ZNF385D: variants seen among roughly 807,000 people sequenced by gnomAD.
The protein encoded by ZNF385D is zinc finger protein 385D.
Under a neutral mutation model 35.8 loss-of-function variants are expected in ZNF385D, and 15 were observed. The observed-to-expected ratio is 0.42, with a 90% CI of 0.28 to 0.64. The LOEUF is 0.64. Among genes scored for constraint, ZNF385D ranks in the 30% least tolerant of loss-of-function variants. The pLI, the probability that ZNF385D is intolerant of heterozygous loss-of-function variation, is 0.23. For missense variants in ZNF385D, 474 were observed against 494.6 expected (o/e 0.96, Z 0.39); for synonymous variants, 212 against 186.8 (o/e 1.13, Z -1.10).
At chr3:21,826,431 T>C (rs1373148551) in intron 3 of ZNF385D, among the ~76,000 whole-genome samples, 1 of 152,118 alleles carries the variant, frequency 6.6e-6, no homozygotes, top group Non-Finnish European at 1.5e-5. Flanking sequence ...TAGGTGACAC[T>C]AGTTGGAAGA....
At chr3:21,930,464 T>A (rs1324871791) in intron 3 of ZNF385D, among the ~76,000 whole-genome samples, 1 of 152,020 alleles carries the variant, frequency 6.6e-6, no homozygotes, top group Non-Finnish European at 1.5e-5. Flanking sequence ...TTTCAAAAAT[T>A]TGGGCTTCAA....
At chr3:21,826,087 G>A (rs1457764154) in intron 3 of ZNF385D, among the ~76,000 whole-genome samples, 1 of 152,152 alleles carries the variant, frequency 6.6e-6, no homozygotes, top group East Asian at 1.9e-4. Flanking sequence ...CTGGTCCCTA[G>A]TGCCAAAAAC....
intron 2 of ZNF385D, among the ~76,000 whole-genome samples, chr3:22,369,712 A>G (rs1696813284): frequency 6.6e-6 from 1 of 152,206 alleles, no homozygotes; most frequent in Non-Finnish European, 1.5e-5. Context: ...TCTGTGACTT[A>G]AAATATATCA....
At chr3:22,068,171 A>G (rs1197844381) in intron 3 of ZNF385D, among the ~76,000 whole-genome samples, 3 of 152,160 alleles carry the variant, frequency 2.0e-5, no homozygotes, top group African/African-American at 2.4e-5. Context: ...GCCTTACTTT[A>G]TCTTCTTTAT....
Position 21,421,243 on chromosome 3 carries a change from G to A in ZNF385D, c.1159C>T (p.His387Tyr), listed in dbSNP as rs1255494104. 6.2e-7 allele frequency: 1 copy of A among 1,614,068 alleles called. No homozygotes were observed. The highest frequency in any genetic ancestry group is 1.1e-5 in the South Asian group (1 of 91,072). Residue 387 changes from histidine (H) to tyrosine (Y), a missense_variant, in exon 8 of 8, where the codon CAC becomes TAC. Coordinates refer to ENST00000281523, the MANE Select transcript of ZNF385D (RefSeq NM_024697.3). ...RPAPGPIRTA[H>Y]TPVLFAPY is the part of the protein sequence containing the mutation. ...TAAGGAGCAAACAGCACAGGAGTGT[G>A]GGCGGTCCGAATGGGTCCAGGAGCT...
At chr3:22,270,439 A>C (rs1414283626) in intron 2 of ZNF385D, among the ~76,000 whole-genome samples, 2 of 151,894 alleles carry the variant, frequency 1.3e-5, no homozygotes, top group African/African-American at 4.8e-5. Context: ...CATTTTCTCA[A>C]TTATTCTTTT....
At chr3:22,364,244 C>CA (rs1319430002) in intron 2 of ZNF385D, among the ~76,000 whole-genome samples, 7 of 151,566 alleles carry the variant, frequency 4.6e-5, no homozygotes, top group East Asian at 1.9e-4. Flanking sequence ...GCAACAATGA[C>CA]AAAAAATAGA....
rs1457159239 is a variant in ZNF385D, at chr3:22,297,613, AGAG to A, written c.106+74834_106+74836del. ...ATATGGGGGAATGAAATAGTTGTCT[AGAG>A]GAGTGGAGCAATGAGTAATCTGACC... On this transcript the variant is annotated intron_variant, in intron 2 of 5. Coordinates refer to the ZNF385D transcript ENST00000494108. Among the ~76,000 whole-genome samples, 10 of 152,216 alleles carry A rather than the reference AGAG, an allele frequency of 6.6e-5. No homozygotes were observed. In the East Asian group the frequency reaches 1.9e-3, roughly 29 times the overall value.
rs1699342244 is a variant in ZNF385D, at chr3:22,238,971, C to G, written c.107-69936G>C. On this transcript the variant is annotated intron_variant, in intron 2 of 5. Coordinates refer to the ZNF385D transcript ENST00000494108. ...CAAACTCGTAGGCTCAAGTCACTCT[C>G]CTGTCTCGGCGGCCTTAAGTGATCC... is the stretch of plus-strand genomic sequence containing the variant. Among the ~76,000 whole-genome samples the G allele has an allele frequency of 6.0e-5, 9 of 150,548 alleles. 1 individual carries two copies. The highest frequency in any genetic ancestry group is 6.0e-4 in the Admixed American group (9 of 15,094).
chr3:22,366,320 C>T lies in ZNF385D; in HGVS notation c.106+6130G>A, dbSNP rs149266581. Among the ~76,000 whole-genome samples, 82 of 152,232 alleles carry T rather than the reference C, an allele frequency of 5.4e-4. No individual in the cohort carries two copies. In the East Asian group the frequency reaches 0.013, roughly 25 times the overall value. On this transcript the variant is annotated intron_variant, in intron 2 of 5. Coordinates refer to the ZNF385D transcript ENST00000494108. The stretch of plus-strand genomic sequence containing the variant: ...TATTATTTATACACTGGTCTTTACA[C>T]TCCATGAGGACAGGGTCTCACTTTT...
intron 3 of ZNF385D, among the ~76,000 whole-genome samples, chr3:21,855,909 G>A (rs903791931): frequency 1.3e-5 from 2 of 151,750 alleles, no homozygotes; most frequent in Non-Finnish European, 1.5e-5. Context: ...TTTTAGAGGT[G>A]GTAGCTAATA....
intron 3 of ZNF385D, among the ~76,000 whole-genome samples, chr3:21,970,343 T>C (rs924327393): frequency 1.3e-5 from 2 of 152,062 alleles, no homozygotes; most frequent in Non-Finnish European, 2.9e-5. Context: ...CAGAATCCTA[T>C]TAGATAAACT....
intron 3 of ZNF385D, among the ~76,000 whole-genome samples, chr3:21,945,935 C>A (rs902591933): frequency 1.3e-5 from 2 of 152,084 alleles, no homozygotes; most frequent in African/African-American, 2.4e-5. Flanking sequence ...AATTTCAGAG[C>A]TCTCTAAAAA....
intron 3 of ZNF385D, among the ~76,000 whole-genome samples, chr3:22,007,497 A>G (rs1328287755): frequency 1.3e-5 from 2 of 152,238 alleles, no homozygotes; most frequent in South Asian, 2.1e-4. Context: ...TCCTCAGGGC[A>G]TGTGGCTATA....
chr3:21,462,920 T>G (rs553384864), intron 4 of ZNF385D, among the ~76,000 whole-genome samples: 1 of 152,176 alleles, frequency 6.6e-6, no homozygotes, highest in Non-Finnish European at 1.5e-5. Flanking sequence ...AGACAGAGGT[T>G]GTGGTGAGCT....
rs1374611460 is a variant in ZNF385D at position 22,291,696 on chromosome 3, G to T, written c.106+80754C>A. Among the ~76,000 whole-genome samples the T allele has an allele frequency of 2.6e-5, 4 of 151,912 alleles. No individual in the cohort carries two copies. The East Asian group carries it at 7.7e-4, about 29-fold the overall frequency. On this transcript the variant is annotated intron_variant, in intron 2 of 5. Transcript: ENST00000494108. Reference sequence around the variant, plus strand: ...TAAATATTGTGGGGTTTATGATCTTGTGTATATTTGTTCTTTTCTTCACTT... The same window carrying T: ...TAAATATTGTGGGGTTTATGATCTTTTGTATATTTGTTCTTTTCTTCACTT...
At chr3:22,300,753 T>G (rs1054182748) in intron 2 of ZNF385D, among the ~76,000 whole-genome samples, 2 of 151,870 alleles carry the variant, frequency 1.3e-5, no homozygotes, top group African/African-American at 4.8e-5. Flanking sequence ...ACTTCACACA[T>G]GTTAGAATAG....
At chr3:21,991,845 T>C (rs1695170742) in intron 3 of ZNF385D, among the ~76,000 whole-genome samples, 1 of 152,202 alleles carries the variant, frequency 6.6e-6, no homozygotes, top group Admixed American at 6.5e-5. Flanking sequence ...AGAAGTAGAA[T>C]TTCAGTGATA....
chr3:21,603,438 GT>G (rs1270352781), intron 2 of ZNF385D, among the ~76,000 whole-genome samples: 4 of 152,114 alleles, frequency 2.6e-5, no homozygotes, highest in Non-Finnish European at 5.9e-5. Context: ...TGCCTTAATA[GT>G]TTTTGTAAGA....
Sources: allele counts gnomAD v4.1 joint callset (sites outside exome capture counted in the v4.1 genomes callset), GRCh38; gene constraint gnomAD v4.1.1; transcripts MANE v1.5; gene names NCBI Gene and HGNC (gene_info 2026-07-23, HGNC 2026-07-21).